Variants in MSI2 observed in about 807,000 individuals in gnomAD.
MSI2 encodes the protein musashi RNA binding protein 2.
Under a neutral mutation model 45.6 loss-of-function variants are expected in MSI2, and 17 were observed. The observed-to-expected ratio is 0.37, with a 90% CI of 0.26 to 0.56. MSI2 has a LOEUF of 0.56. MSI2 is among the 20% of genes least tolerant of loss of function. The pLI is 0.77. For synonymous variants in MSI2, 156 were observed against 158.2 expected (o/e 0.99, Z 0.11); for missense variants, 293 against 444.2 (o/e 0.66, Z 3.06).
intron 5 of MSI2, among the ~76,000 whole-genome samples, chr17:57,336,637 AT>A (rs1914711521): frequency 6.6e-6 from 1 of 152,202 alleles, no homozygotes; most frequent in African/African-American, 2.4e-5. Context: ...TACATATTTA[AT>A]ATGATGGCAT....
intron 6 of MSI2, among the ~76,000 whole-genome samples, chr17:57,431,355 A>C (rs1193630068): frequency 1.3e-5 from 2 of 152,228 alleles, no homozygotes; most frequent in Non-Finnish European, 2.9e-5. Flanking sequence ...AACTGGCAGC[A>C]CAGCCAGGGA....
chr17:57,299,929 G>A (rs991738923), intron 5 of MSI2, among the ~76,000 whole-genome samples: 1 of 152,224 alleles, frequency 6.6e-6, no homozygotes, highest in East Asian at 1.9e-4. Context: ...TCTAGGGAGG[G>A]CAGATTATTT....
chr17:57,502,636 T>TATATATATATATAGAG, intron 6 of MSI2, among the ~76,000 whole-genome samples: 1 of 96,902 alleles, frequency 1.0e-5, no homozygotes, highest in Non-Finnish European at 2.1e-5. Context: ...TATATATATA[T>TATATATATATATAGAG]AGTCATCATT....
intron 10 of MSI2, among the ~76,000 whole-genome samples, chr17:57,636,900 C>T (rs1300820617): frequency 6.6e-6 from 1 of 152,166 alleles, no homozygotes; most frequent in African/African-American, 2.4e-5. Flanking sequence ...GTCAGTTTCC[C>T]AGGTAGGCTG....
intron 6 of MSI2, among the ~76,000 whole-genome samples, chr17:57,469,829 A>ATTCCACT (rs1277570581): frequency 1.3e-5 from 2 of 152,216 alleles, no homozygotes; most frequent in Admixed American, 1.3e-4. Flanking sequence ...CTGATTTTGC[A>ATTCCACT]TTCCACTGCT....
intron 6 of MSI2, among the ~76,000 whole-genome samples, chr17:57,510,563 G>C (rs952542637): frequency 1.3e-5 from 2 of 152,020 alleles, no homozygotes; most frequent in African/African-American, 2.4e-5. Flanking sequence ...AAGTAGCTGG[G>C]ATTACAGGTG....
At chr17:57,355,209 C>T (rs1227654695) in intron 5 of MSI2, among the ~76,000 whole-genome samples, 3 of 152,180 alleles carry the variant, frequency 2.0e-5, no homozygotes, top group South Asian at 2.1e-4. Flanking sequence ...TCCTTTTGCA[C>T]GTAAATGTTT....
intron 5 of MSI2, among the ~76,000 whole-genome samples, chr17:57,385,056 A>G (rs547052548): frequency 6.6e-6 from 1 of 152,064 alleles, no homozygotes; most frequent in African/African-American, 2.4e-5. Context: ...CCTCTTTGTT[A>G]TGCAAATGAT....
At chr17:57,568,169 A>C (rs1483630699) in intron 7 of MSI2, among the ~76,000 whole-genome samples, 1 of 152,224 alleles carries the variant, frequency 6.6e-6, no homozygotes, top group African/African-American at 2.4e-5. Context: ...ACGTGAGGAC[A>C]TGAACCTTCT....
At chr17:57,657,749 G>A (rs1028423767) in intron 11 of MSI2, among the ~76,000 whole-genome samples, 3 of 152,170 alleles carry the variant, frequency 2.0e-5, no homozygotes, top group Non-Finnish European at 2.9e-5. Flanking sequence ...ATGAAAGATA[G>A]TGTCCCACAT....
At chr17:57,292,647 C>T (rs1288544717) in intron 5 of MSI2, among the ~76,000 whole-genome samples, 1 of 152,170 alleles carries the variant, frequency 6.6e-6, no homozygotes, top group East Asian at 1.9e-4. Flanking sequence ...AACCAGGTCC[C>T]CAAAGGATGC....
intron 7 of MSI2, among the ~76,000 whole-genome samples, chr17:57,573,341 GC>G (rs2087928761): frequency 6.6e-6 from 1 of 151,984 alleles, no homozygotes; most frequent in Non-Finnish European, 1.5e-5. Context: ...TGTGCCAAGT[GC>G]CCTCCTACAT....
intron 6 of MSI2, among the ~76,000 whole-genome samples, chr17:57,409,742 C>A (rs189324530): frequency 6.6e-6 from 1 of 152,250 alleles, no homozygotes. Flanking sequence ...GGCACAGTGG[C>A]TCACGCCTGT....
intron 5 of MSI2, among the ~76,000 whole-genome samples, chr17:57,321,852 C>A (rs543264645): frequency 5.3e-5 from 8 of 151,886 alleles, no homozygotes; most frequent in Admixed American, 4.6e-4. Flanking sequence ...GCTGGAGTGC[C>A]GTGGCGCGAT....
intron 9 of MSI2, among the ~76,000 whole-genome samples, chr17:57,617,281 A>AT (rs1328398674): frequency 6.6e-6 from 1 of 152,198 alleles, no homozygotes; most frequent in African/African-American, 2.4e-5. Context: ...TCCTATTGTA[A>AT]TTTTTTTAAA....
intron 8 of MSI2, among the ~76,000 whole-genome samples, chr17:57,613,356 A>T (rs1192969902): frequency 6.6e-6 from 1 of 152,172 alleles, no homozygotes; most frequent in Non-Finnish European, 1.5e-5. Flanking sequence ...TTTGCCTGGG[A>T]CTGAGGGGTT....
At chr17:57,594,322 C>T (rs1905092458) in intron 7 of MSI2, among the ~76,000 whole-genome samples, 1 of 152,096 alleles carries the variant, frequency 6.6e-6, no homozygotes, top group Non-Finnish European at 1.5e-5. Context: ...GAGGGTGGGG[C>T]TGGGGGAAGG....
At chr17:57,364,381 C>T (rs1002744724) in intron 5 of MSI2, among the ~76,000 whole-genome samples, 13 of 152,112 alleles carry the variant, frequency 8.5e-5, no homozygotes, top group African/African-American at 1.4e-4. Context: ...AGCAGGTGGC[C>T]GAGGAACTCA....
intron 4 of MSI2, among the ~76,000 whole-genome samples, chr17:57,260,295 A>G (rs188574286): frequency 2.8e-4 from 42 of 152,278 alleles, no homozygotes; most frequent in Admixed American, 1.7e-3. Flanking sequence ...AGGAACTTCG[A>G]TCATGATATA....
Sources: gnomAD v4.1 joint callset for allele counts (sites outside exome capture counted in the v4.1 genomes callset) on GRCh38, gnomAD v4.1.1 for gene constraint, MANE v1.5 for transcripts, NCBI Gene and HGNC (gene_info 2026-07-23, HGNC 2026-07-21) for gene names.